The following GALNT9 variants were observed in gnomAD, a reference collection of about 807,000 sequenced individuals.
GALNT9 encodes the protein polypeptide N-acetylgalactosaminyltransferase 9, also known as GalNAc transferase 9.
A neutral mutation model predicts 63.1 loss-of-function variants in GALNT9; 47 were observed. The ratio of observed to expected loss-of-function variants is 0.75; its 90% CI spans 0.59 to 0.95. GALNT9 has a LOEUF of 0.95. GALNT9 is among the 40% of genes least tolerant of loss of function. The pLI is 0.00. For synonymous variants in GALNT9, 396 were observed against 365.7 expected (o/e 1.08, Z -0.94); for missense variants, 829 against 874.8 (o/e 0.95, Z 0.66).
At chr12:132,208,574 A>C (rs1876824101) in intron 6 of GALNT9, among the ~76,000 whole-genome samples, 1 of 152,180 alleles carries the variant, frequency 6.6e-6, no homozygotes, top group Non-Finnish European at 1.5e-5. Flanking sequence ...GGCCGCCAGC[A>C]TGAGGATGAG....
At position 132,265,900 on chromosome 12, in the gene GALNT9, G is replaced by A. The variant is rs183848681; in HGVS notation, c.420-3275C>T. ...GTAATGATACATGCAGTGTGTGTTG[G>A]AGCATGTAGGTACTGAGCATGTGTG... On this transcript the variant is annotated intron_variant, in intron 2 of 10. Transcript: ENST00000328957. The surrounding 1 kb of genome is among the most constrained non-coding windows in gnomAD (Gnocchi z 5.3). 1.3e-5 allele frequency among the ~76,000 whole-genome samples: 2 copies of A among 152,344 alleles called. No individual in the cohort carries two copies. Among genetic ancestry groups the A allele is most frequent in the East Asian group, 3.9e-4 (2 of 5,186 alleles).
intron 1 of GALNT9, among the ~76,000 whole-genome samples, chr12:132,306,281 G>C (rs1881610482): frequency 6.6e-6 from 1 of 152,262 alleles, no homozygotes. Context: ...GCGTGGCCTG[G>C]ACGCCGGACG....
At chr12:132,261,220 G>A (rs1879372207) in intron 3 of GALNT9, 98 bp from the exon 4 acceptor site, 1 of 1,514,082 alleles carries the variant, frequency 6.6e-7, no homozygotes, top group Non-Finnish European at 8.8e-7. Flanking sequence ...GTGTGGGATG[G>A]GTGTATTGTA....
Position 132,296,827 on chromosome 12 carries a change from C to T in GALNT9, c.239-10397G>A, listed in dbSNP as rs554981932. Among the ~76,000 whole-genome samples the T allele has an allele frequency of 1.7e-4, 25 of 148,506 alleles. No homozygotes were observed. In the South Asian group the frequency reaches 2.7e-3, roughly 16 times the overall value. On this transcript the variant is annotated intron_variant, in intron 1 of 10. Coordinates refer to ENST00000328957, the MANE Select transcript of GALNT9 (RefSeq NM_001122636.2). This position sits in a 1 kb window ranked among gnomAD's most constrained non-coding sequence, Gnocchi z 4.2. The stretch of plus-strand genomic sequence containing the variant: ...CCCATGTGGACGGCGAGAGCACACA[C>T]GCATTGGGGGCTGGGCGGGGGGAGG...
chr12:132,257,964 G>A (rs141476336), intron 4 of GALNT9, 78 bp from the exon 5 acceptor site: 13 of 983,878 alleles, frequency 1.3e-5, no homozygotes, highest in Non-Finnish European at 1.8e-5. Flanking sequence ...CCCACAGGGA[G>A]GGGAGGCCAG....
intron 6 of GALNT9, among the ~76,000 whole-genome samples, chr12:132,239,505 G>GAC (rs200111074): frequency 2.0e-5 from 3 of 150,336 alleles, no homozygotes; most frequent in African/African-American, 2.5e-5. Flanking sequence ...GACAGAGAGA[G>GAC]ACACACACAC....
At position 132,319,871 on chromosome 12, in the gene GALNT9, C is replaced by T. The variant is rs1253641758; in HGVS notation, c.238+9095G>A. Among the ~76,000 whole-genome samples the T allele has an allele frequency of 6.6e-6, 1 of 152,242 alleles. No homozygotes were observed. Among genetic ancestry groups the T allele is most frequent in the Non-Finnish European group, 1.5e-5 (1 of 68,050 alleles). On this transcript the variant is annotated intron_variant, in intron 1 of 10. Coordinates refer to ENST00000328957, the MANE Select transcript of GALNT9 (RefSeq NM_001122636.2). This position sits in a 1 kb window ranked among gnomAD's most constrained non-coding sequence, Gnocchi z 5.2. Reference sequence around the variant, plus strand: ...CTGTAGAACCTGTGTCTTCTCCACCCTCAGCCTCCGGAGGTTCGGAGGCAC... The same window carrying T: ...CTGTAGAACCTGTGTCTTCTCCACCTTCAGCCTCCGGAGGTTCGGAGGCAC...
chr12:132,316,501 G>A lies in GALNT9; in HGVS notation c.238+12465C>T, dbSNP rs28561414. ...CTTGCTTCCTTCCTCCCTGGGAAAC[G>A]GAGAATCAGGAGCACCCGAGCTTCC... On this transcript the variant is annotated intron_variant, in intron 1 of 10. Coordinates refer to ENST00000328957, the MANE Select transcript of GALNT9 (RefSeq NM_001122636.2). The surrounding 1 kb of genome is among the most constrained non-coding windows in gnomAD (Gnocchi z 4.3). Among the ~76,000 whole-genome samples, 37,393 of 151,994 alleles carry A rather than the reference G, an allele frequency of 0.25. 5,682 individuals carry two copies. The highest frequency in any genetic ancestry group is 0.4 in the East Asian group (2,082 of 5,166).
intron 6 of GALNT9, chr12:132,247,611 G>A (rs1555238092): frequency 5.3e-6 from 3 of 561,096 alleles, no homozygotes; most frequent in Admixed American, 2.3e-5. Flanking sequence ...GGACACTGCA[G>A]CCACACTCGC....
chr12:132,261,648 G>T (rs367846838), intron 3 of GALNT9, among the ~76,000 whole-genome samples: 2 of 152,228 alleles, frequency 1.3e-5, no homozygotes, highest in Admixed American at 1.3e-4. Context: ...GGTGCTGCTG[G>T]GCTAGGGCAC....
At chr12:132,290,976 C>G in intron 1 of GALNT9, among the ~76,000 whole-genome samples, 1 of 61,420 alleles carries the variant, frequency 1.6e-5, no homozygotes. Context: ...CCACAGCACC[C>G]ACAACCACAG....
chr12:132,329,178 G>C lies in GALNT9; in HGVS notation c.26C>G (p.Thr9Ser). Residue 9 changes from threonine (T) to serine (S), a missense_variant, in exon 1 of 11, where the codon ACT becomes AGT. By Grantham distance (58) the Thr-to-Ser change is moderately conservative (BLOSUM62 1). Transcript: ENST00000328957. Reference sequence around the variant, plus strand: ...CACCAGGATGTTCACCGTCAGCAAAGTTCGGATCTTCCTGGCCACCGCCAT... The same window carrying C: ...CACCAGGATGTTCACCGTCAGCAAACTTCGGATCTTCCTGGCCACCGCCAT... MAVARKIR[T>S]LLTVNILVFV... 1 of 1,548,448 alleles carries C rather than the reference G, an allele frequency of 6.5e-7. No homozygotes were observed. Among genetic ancestry groups the C allele is most frequent in the East Asian group, 2.4e-5 (1 of 40,834 alleles).
At position 132,329,251 on chromosome 12, in the gene GALNT9, C is replaced by T; in HGVS notation, c.-48G>A. The T allele has an allele frequency of 1.3e-6, 2 of 1,519,398 alleles. No individual in the cohort carries two copies. Among genetic ancestry groups the T allele is most frequent in the Middle Eastern group, 1.7e-4 (1 of 5,896 alleles). The allele number at this position is 1,519,398 out of a possible 1,614,324, so 94.1% of individuals were successfully genotyped here. A position where few individuals can be genotyped will look rare whatever the true frequency, so the allele number is the denominator to read the frequency against. On this transcript the variant is annotated 5_prime_UTR_variant, in exon 1 of 11. Transcript: ENST00000328957. ...TCACCCGCGGGGCATCCCCAGCATC[C>T]CCGCCCGGGCCTGGGCTTCAGCTTC...
intron 7 of GALNT9, 118 bp from the exon 8 acceptor site, chr12:132,201,379 C>A (rs1055025069): frequency 1.7e-5 from 11 of 654,056 alleles, no homozygotes; most frequent in Non-Finnish European, 2.7e-5. Context: ...GCCTCCCCCC[C>A]AGTATTCAGA....
Position 132,289,525 on chromosome 12 carries a change from C to G in GALNT9, c.239-3095G>C, listed in dbSNP as rs150513060. 2.2e-4 allele frequency among the ~76,000 whole-genome samples: 33 copies of G among 152,322 alleles called. No individual in the cohort carries two copies. The Middle Eastern group carries it at 0.014, about 63-fold the overall frequency. The stretch of plus-strand genomic sequence containing the variant: ...CACAGCTAAGGGGACTTGGCAGACG[C>G]CCCCTGCTTTGCCTGAATCTGCTTC... On this transcript the variant is annotated intron_variant, in intron 1 of 10. Transcript: ENST00000328957.
At chr12:132,314,637 T>C (rs1234073587) in intron 1 of GALNT9, among the ~76,000 whole-genome samples, 8 of 152,162 alleles carry the variant, frequency 5.3e-5, no homozygotes, top group African/African-American at 1.7e-4. Context: ...TCCTGCACCT[T>C]AGAGAGCAGA....
At chr12:132,216,152 A>G (rs1008258391) in intron 6 of GALNT9, among the ~76,000 whole-genome samples, 7 of 152,168 alleles carry the variant, frequency 4.6e-5, no homozygotes, top group Non-Finnish European at 5.9e-5. Context: ...AGACACAGAG[A>G]TGGAGAGACA....
intron 5 of GALNT9, among the ~76,000 whole-genome samples, chr12:132,251,033 C>T (rs530053195): frequency 6.6e-6 from 1 of 152,280 alleles, no homozygotes; most frequent in East Asian, 1.9e-4. Flanking sequence ...GCACCGGAGC[C>T]GCGTCCTTCC....
chr12:132,235,502 C>T (rs1052907102), intron 6 of GALNT9, among the ~76,000 whole-genome samples: 4 of 152,020 alleles, frequency 2.6e-5, no homozygotes, highest in Non-Finnish European at 5.9e-5. Context: ...GGGCACAGCT[C>T]GGAGGTGGGG....
Sources: allele counts gnomAD v4.1 joint callset (sites outside exome capture counted in the v4.1 genomes callset), GRCh38; gene constraint gnomAD v4.1.1; non-coding constraint Gnocchi (gnomAD v3.1); transcripts MANE v1.5; gene names NCBI Gene and HGNC (gene_info 2026-07-23, HGNC 2026-07-21).